The following CCSER2 variants were observed in gnomAD, a reference collection of about 807,000 sequenced individuals.
CCSER2 encodes the protein coiled-coil serine rich protein 2, also known as serine-rich coiled-coil domain-containing protein 2.
CCSER2 carries 46 observed loss-of-function variants against 92.3 expected under a neutral mutation model. That is an observed-to-expected ratio of 0.50 (90% CI 0.39 to 0.64). CCSER2 has a LOEUF of 0.64. Ranked by LOEUF, CCSER2 falls within the 30% of genes least tolerant of loss-of-function variation. CCSER2 has a pLI of 0.00. For synonymous variants in CCSER2, 433 were observed against 431.4 expected (o/e 1.00, Z -0.04); for missense variants, 1,244 against 1,238.9 (o/e 1.00, Z -0.06).
chr10:84,339,479 A>AT (rs1442143424), intron 1 of CCSER2, among the ~76,000 whole-genome samples: 1 of 143,514 alleles, frequency 7.0e-6, no homozygotes, highest in Non-Finnish European at 1.5e-5. Context: ...TTTTAAATTT[A>AT]TTTTTTATTT....
chr10:84,452,846 C>T (rs953937154), intron 6 of CCSER2, among the ~76,000 whole-genome samples: 1 of 152,036 alleles, frequency 6.6e-6, no homozygotes, highest in Admixed American at 6.6e-5. Flanking sequence ...CTCCCCCCAC[C>T]AAATGTTTCC....
intron 3 of CCSER2, among the ~76,000 whole-genome samples, chr10:84,416,653 G>T (rs1209089509): frequency 6.6e-6 from 1 of 151,756 alleles, no homozygotes; most frequent in African/African-American, 2.4e-5. Context: ...TTTTGGCTGG[G>T]CGCGGTAGCT....
chr10:84,509,853 G>A (rs1010400420), intron 9 of CCSER2, among the ~76,000 whole-genome samples: 1 of 152,176 alleles, frequency 6.6e-6, no homozygotes, highest in Non-Finnish European at 1.5e-5. Context: ...CCTTCCCAAA[G>A]GCCTTTTTTG....
intron 1 of CCSER2, among the ~76,000 whole-genome samples, chr10:84,343,977 GGA>G (rs1467746882): frequency 6.6e-6 from 1 of 152,200 alleles, no homozygotes; most frequent in East Asian, 1.9e-4. Flanking sequence ...TTAATACCCA[GGA>G]GAAGCTCCTG....
At chr10:84,412,996 C>T (rs558991837) in intron 3 of CCSER2, among the ~76,000 whole-genome samples, 2 of 152,206 alleles carry the variant, frequency 1.3e-5, no homozygotes, top group South Asian at 2.1e-4. Flanking sequence ...TGATATTCCC[C>T]TTATCATTTC....
intron 3 of CCSER2, among the ~76,000 whole-genome samples, chr10:84,383,518 G>A (rs934619964): frequency 1.3e-4 from 19 of 151,966 alleles, no homozygotes; most frequent in African/African-American, 4.4e-4. Context: ...CACCATGTTA[G>A]CCAGGATGGT....
chr10:84,419,397 G>A (rs1039869905), intron 4 of CCSER2, among the ~76,000 whole-genome samples: 3 of 140,222 alleles, frequency 2.1e-5, no homozygotes, highest in Non-Finnish European at 3.1e-5. Context: ...CCACACCCCT[G>A]GAGCTAACCT....
intron 7 of CCSER2, among the ~76,000 whole-genome samples, chr10:84,465,239 T>TTGTATG (rs1393940611): frequency 7.5e-5 from 8 of 106,788 alleles, no homozygotes; most frequent in African/African-American, 2.6e-4. Context: ...TTTCCTGAAT[T>TTGTATG]TGTGTGTGTG....
At chr10:84,469,986 C>A (rs1846681336) in intron 7 of CCSER2, among the ~76,000 whole-genome samples, 1 of 143,576 alleles carries the variant, frequency 7.0e-6, no homozygotes, top group Non-Finnish European at 1.5e-5. Flanking sequence ...CCCTTGAAGT[C>A]TAGCTGAAGT....
Position 84,491,786 on chromosome 10 carries a change from G to A in CCSER2, c.2325+14122G>A, listed in dbSNP as rs544978852. On this transcript the variant is annotated intron_variant, in intron 9 of 9. Transcript: ENST00000372088. ...CAACAAGCCCCAGTGAGATGAAACT[G>A]GTACCTCAGTTGGAAATGCAGAAAT... Among the ~76,000 whole-genome samples the A allele has an allele frequency of 2.4e-4, 37 of 152,154 alleles. 2 individuals are homozygous for A. The highest frequency in any genetic ancestry group is 3.4e-3 in the Middle Eastern group (1 of 294).
At chr10:84,483,990 T>A (rs1847637603) in intron 9 of CCSER2, among the ~76,000 whole-genome samples, 1 of 114,590 alleles carries the variant, frequency 8.7e-6, no homozygotes, top group African/African-American at 3.4e-5. Context: ...TATATATATA[T>A]ATATATAATT....
At chr10:84,430,814 T>A (rs1843723469) in intron 5 of CCSER2, among the ~76,000 whole-genome samples, 2 of 152,236 alleles carry the variant, frequency 1.3e-5, no homozygotes, top group African/African-American at 4.8e-5. Flanking sequence ...TTTGGCTGAT[T>A]TCTAGAGTTC....
chr10:84,414,073 A>G (rs1842779602), intron 3 of CCSER2, among the ~76,000 whole-genome samples: 1 of 152,182 alleles, frequency 6.6e-6, no homozygotes, highest in South Asian at 2.1e-4. Flanking sequence ...TGAAGACAGC[A>G]TACCGATGGA....
At chr10:84,472,343 TGGA>T (rs1485528311) in intron 8 of CCSER2, among the ~76,000 whole-genome samples, 1 of 151,922 alleles carries the variant, frequency 6.6e-6, no homozygotes, top group Non-Finnish European at 1.5e-5. Flanking sequence ...CCTAGGTGGG[TGGA>T]TTGCTTGAGG....
chr10:84,417,789 G>C lies in CCSER2; in HGVS notation c.1633G>C (p.Glu545Gln). 1 of 1,571,204 alleles carries C rather than the reference G, an allele frequency of 6.4e-7. No homozygotes were observed. Among genetic ancestry groups the C allele is most frequent in the Non-Finnish European group, 8.8e-7 (1 of 1,141,100 alleles). The change falls in exon 4 of 10, where the codon GAA becomes CAA. Residue 545 changes from glutamate to glutamine, a missense_variant. Glu to Gln is a conservative substitution (Grantham distance 29). Transcript: ENST00000372088. ...MNSIDILNNL[E>Q]SCDLEDDDLM... ...TTCACAGGATATTTTGAATAATCTTGAATCATGTGACCTTGAGGATGATGA... is the reference window on the plus strand; with the variant it reads ...TTCACAGGATATTTTGAATAATCTTCAATCATGTGACCTTGAGGATGATGA...
At chr10:84,438,164 T>G (rs1273071676) in intron 5 of CCSER2, among the ~76,000 whole-genome samples, 3 of 152,144 alleles carry the variant, frequency 2.0e-5, no homozygotes, top group Non-Finnish European at 4.4e-5. Context: ...TAAACAAAGT[T>G]AAAAACTAAT....
At chr10:84,501,457 T>TA (rs1353085920) in intron 9 of CCSER2, among the ~76,000 whole-genome samples, 1 of 152,180 alleles carries the variant, frequency 6.6e-6, no homozygotes, top group Non-Finnish European at 1.5e-5. Flanking sequence ...CTAGCTGTAA[T>TA]ACGGAATTGA....
At chr10:84,412,678 C>A (rs938409359) in intron 3 of CCSER2, among the ~76,000 whole-genome samples, 1 of 152,108 alleles carries the variant, frequency 6.6e-6, no homozygotes, top group African/African-American at 2.4e-5. Flanking sequence ...GTTCTGGGAG[C>A]CCATGCTATT....
chr10:84,473,304 A>G (rs189105099), intron 8 of CCSER2, among the ~76,000 whole-genome samples: 1 of 152,196 alleles, frequency 6.6e-6, no homozygotes, highest in Admixed American at 6.5e-5. Context: ...CCCTCTGTAA[A>G]CACATTAGAA....
Sources: allele counts gnomAD v4.1 joint callset (sites outside exome capture counted in the v4.1 genomes callset), GRCh38; gene constraint gnomAD v4.1.1; transcripts MANE v1.5; gene names NCBI Gene and HGNC (gene_info 2026-07-23, HGNC 2026-07-21).